Variants in ANKRD30B observed in about 807,000 individuals in gnomAD.
The protein encoded by ANKRD30B is ankyrin repeat domain 30B.
In ANKRD30B, 144 loss-of-function variants were observed where a neutral mutation model predicts 202.2. The observed-to-expected ratio is 0.71, with a 90% CI of 0.62 to 0.82. The LOEUF is 0.82. Among genes scored for constraint, ANKRD30B ranks in the 40% least tolerant of loss-of-function variants. ANKRD30B has a pLI of 0.00. For synonymous variants in ANKRD30B, 508 were observed against 561.3 expected (o/e 0.91, Z 1.34); for missense variants, 1,487 against 1,669.1 (o/e 0.89, Z 1.90).
intron 42 of ANKRD30B, among the ~76,000 whole-genome samples, chr18:14,853,275 G>A (rs1456329749): frequency 2.0e-5 from 3 of 152,064 alleles, no homozygotes; most frequent in Admixed American, 1.3e-4. Flanking sequence ...ATTCATAAGG[G>A]GTGGCAAGGT....
At chr18:14,914,906 G>A in the ANKRD30B span, among the ~76,000 whole-genome samples, 39 of 152,284 alleles carry the variant, frequency 2.6e-4, no homozygotes, top group Non-Finnish European at 4.6e-4. Flanking sequence ...ACATTAGTGT[G>A]TCATCCACAT....
chr18:14,796,685 T>A (rs1161963156), intron 18 of ANKRD30B, among the ~76,000 whole-genome samples: 1 of 152,034 alleles, frequency 6.6e-6, no homozygotes, highest in Non-Finnish European at 1.5e-5. Context: ...CCCAGGTGGA[T>A]CGGCAGGTTG....
the ANKRD30B span, chr18:14,915,766 A>G: frequency 6.6e-6 from 1 of 152,220 alleles, no homozygotes; most frequent in South Asian, 2.1e-4. Context: ...TCAAGCACAT[A>G]TACTTCAAAA....
At chr18:14,929,561 A>C in the ANKRD30B span, among the ~76,000 whole-genome samples, 1 of 152,194 alleles carries the variant, frequency 6.6e-6, no homozygotes, top group Non-Finnish European at 1.5e-5. Flanking sequence ...GAGGACAATG[A>C]GTCCAATTTT....
chr18:14,769,483 T>A, intron 8 of ANKRD30B, 110 bp downstream of exon 8: 1 of 809,422 alleles, frequency 1.2e-6, no homozygotes, highest in Non-Finnish European at 1.9e-6. Flanking sequence ...TATTATGTGC[T>A]TAATATTTAT....
intron 6 of ANKRD30B, among the ~76,000 whole-genome samples, chr18:14,762,483 T>A (rs1178026665): frequency 6.6e-6 from 1 of 152,138 alleles, no homozygotes; most frequent in Non-Finnish European, 1.5e-5. Context: ...GCAGGTTATG[T>A]TACGTAGTCT....
intron 15 of ANKRD30B, among the ~76,000 whole-genome samples, chr18:14,787,601 A>AGG (rs1384604383): frequency 6.6e-6 from 1 of 152,222 alleles, no homozygotes; most frequent in African/African-American, 2.4e-5. Flanking sequence ...TTCAGGAGAA[A>AGG]GAAAAGCATG....
At chr18:14,764,560 AT>A (rs35592672) in intron 7 of ANKRD30B, among the ~76,000 whole-genome samples, 16 of 151,542 alleles carry the variant, frequency 1.1e-4, no homozygotes, top group Non-Finnish European at 1.6e-4. Context: ...CACCTGGCTG[AT>A]TTTTTGTATT....
chr18:14,907,531 C>A, the ANKRD30B span, among the ~76,000 whole-genome samples: 1 of 152,176 alleles, frequency 6.6e-6, no homozygotes, highest in Non-Finnish European at 1.5e-5. Context: ...AACAGAGGTC[C>A]TGAGCAGAAG....
downstream of ANKRD30B, among the ~76,000 whole-genome samples, chr18:14,858,757 A>AG (rs1424915032): frequency 2.1e-5 from 3 of 143,418 alleles, no homozygotes; most frequent in African/African-American, 5.1e-5. Context: ...CTCACCTCCC[A>AG]GGGGGGGCAG....
At chr18:14,823,594 A>G (rs1027418254) in intron 32 of ANKRD30B, among the ~76,000 whole-genome samples, 8 of 152,102 alleles carry the variant, frequency 5.3e-5, no homozygotes, top group Non-Finnish European at 8.8e-5. Flanking sequence ...TGGCCTTAGT[A>G]TCTTTTTATG....
chr18:14,898,221 T>G, the ANKRD30B span, among the ~76,000 whole-genome samples: 1 of 152,204 alleles, frequency 6.6e-6, no homozygotes, highest in Non-Finnish European at 1.5e-5. Context: ...CAAATTATCT[T>G]AAATTCATCT....
intron 5 of ANKRD30B, chr18:14,759,248 C>G (rs1204375351): frequency 6.6e-6 from 1 of 152,184 alleles, no homozygotes; most frequent in African/African-American, 2.4e-5. Flanking sequence ...TTAGCAAGGT[C>G]CCTGCACAAG....
chr18:14,921,992 A>G, the ANKRD30B span, among the ~76,000 whole-genome samples: 2 of 152,218 alleles, frequency 1.3e-5, no homozygotes. Flanking sequence ...AAAATCCTTC[A>G]TTAGAACCAA....
At chr18:14,862,851 G>T in the ANKRD30B span, among the ~76,000 whole-genome samples, 7 of 152,230 alleles carry the variant, frequency 4.6e-5, no homozygotes, top group African/African-American at 1.7e-4. Flanking sequence ...CTGGATGCGG[G>T]ACATGAAATC....
At chr18:14,827,033 T>C (rs1288812193) in intron 32 of ANKRD30B, among the ~76,000 whole-genome samples, 3 of 152,176 alleles carry the variant, frequency 2.0e-5, no homozygotes, top group Non-Finnish European at 4.4e-5. Flanking sequence ...GCCTATGTGA[T>C]GAGATGAAGT....
chr18:14,886,878 T>C, the ANKRD30B span, among the ~76,000 whole-genome samples: 1 of 152,098 alleles, frequency 6.6e-6, no homozygotes, highest in African/African-American at 2.4e-5. Context: ...AGAATACCAT[T>C]CATGCTCTCT....
At chr18:14,890,601 C>G in the ANKRD30B span, among the ~76,000 whole-genome samples, 1 of 151,304 alleles carries the variant, frequency 6.6e-6, no homozygotes, top group East Asian at 1.9e-4. Context: ...GAATTTGAAC[C>G]CAGACATTCT....
intron 8 of ANKRD30B, among the ~76,000 whole-genome samples, chr18:14,770,563 T>A (rs750036522): frequency 1.3e-5 from 2 of 152,094 alleles, no homozygotes; most frequent in Non-Finnish European, 2.9e-5. Flanking sequence ...AATGGAATTA[T>A]CAGGGAAAGG....
Sources: gnomAD v4.1 joint callset for allele counts (sites outside exome capture counted in the v4.1 genomes callset) on GRCh38, gnomAD v4.1.1 for gene constraint, MANE v1.5 for transcripts, NCBI Gene and HGNC (gene_info 2026-07-23, HGNC 2026-07-21) for gene names.